The following KCNH2 variants were observed in gnomAD, a reference collection of about 807,000 sequenced individuals.
The protein encoded by KCNH2 is potassium voltage-gated channel subfamily H member 2, also known as voltage-gated inwardly rectifying potassium channel KCNH2.
Under a neutral mutation model 95.9 loss-of-function variants are expected in KCNH2, and 35 were observed. The observed-to-expected ratio is 0.37, with a 90% CI of 0.28 to 0.48. The LOEUF (loss-of-function observed/expected upper bound fraction) is 0.48. Among genes scored for constraint, KCNH2 ranks in the 20% least tolerant of loss-of-function variants. The pLI is 0.99. For synonymous variants in KCNH2, 786 were observed against 754.7 expected, an observed-to-expected ratio of 1.04 and a Z score of -0.68; for missense variants, 1,274 against 1,702.9, an observed-to-expected ratio of 0.75 and a Z score of 4.43.
intron 2 of KCNH2, among the ~76,000 whole-genome samples, chr7:150,973,889 G>A (rs552918620): frequency 4.6e-5 from 7 of 152,236 alleles, no homozygotes; most frequent in Non-Finnish European, 1.0e-4. Context: ...CTAGGAAGCA[G>A]CAAGGTTTGC....
In KCNH2 at chr7:150,947,538, G is replaced by A. The variant is rs751080700; in HGVS notation, c.2966-24C>T. ...GCCTGCAGCCAGAGAGCAGAGCTGGGTGAGCGGGGTAGACGCACCACCGCT... is the reference window on the plus strand; with the variant it reads ...GCCTGCAGCCAGAGAGCAGAGCTGGATGAGCGGGGTAGACGCACCACCGCT... On this transcript the variant is annotated intron_variant, in intron 12 of 14. Coordinates refer to ENST00000262186, the MANE Select transcript of KCNH2 (RefSeq NM_000238.4). The A allele has an allele frequency of 6.2e-6, 10 of 1,600,226 alleles. No homozygotes were observed. The South Asian group carries it at 1.0e-4, about 16-fold the overall frequency.
In KCNH2 at chr7:150,947,391, G is replaced by C. The variant is rs904066540; in HGVS notation, c.3089C>G (p.Pro1030Arg). 1.9e-6 allele frequency: 3 copies of C among 1,550,296 alleles called. No individual in the cohort carries two copies. In the South Asian group the frequency reaches 3.6e-5, roughly 18 times the overall value. ...CACGTCGCCCCGGGGCCGCCGACCC[G>C]GGCTGGAGAGGGGGATGTTGAGGAG... ...PSLLNIPLSSPGRRPRGDVES... is the reference protein window; with the variant it reads ...PSLLNIPLSSRGRRPRGDVES... Residue 1030 changes from proline to arginine, a missense_variant, in exon 13 of 15, where the codon CCG (proline) becomes CGG (arginine). Pro to Arg is a moderately radical substitution (Grantham distance 103). This residue lies in a region of KCNH2 where 457 missense variants were observed against 416.1 expected (regional missense o/e 1.10). Transcript: ENST00000262186.
rs148806848 is a variant in KCNH2, at chr7:150,964,239, A to G, written c.308-4503T>C. Among the ~76,000 whole-genome samples the G allele has an allele frequency of 5.0e-3, 764 of 152,342 alleles. 4 individuals carry two copies. Among genetic ancestry groups the G allele is most frequent in the African/African-American group, 0.018 (736 of 41,582 alleles). ...TGCGCTCCTCCGTAAATGAGGTGCT[A>G]TCACAGCTTCTTCCCAGGCAGCTCC... On this transcript the variant is annotated intron_variant, in intron 2 of 14. Coordinates refer to ENST00000262186, the MANE Select transcript of KCNH2 (RefSeq NM_000238.4).
intron 9 of KCNH2, chr7:150,949,963 C>T: frequency 6.5e-7 from 1 of 1,544,262 alleles, no homozygotes; most frequent in Non-Finnish European, 8.8e-7. Flanking sequence ...AATGTGGGAA[C>T]CCCAGAGTTC....
chr7:150,965,256 T>C (rs1037166948), intron 2 of KCNH2, among the ~76,000 whole-genome samples: 2 of 152,002 alleles, frequency 1.3e-5, no homozygotes, highest in Non-Finnish European at 2.9e-5. Context: ...GGATCATTTA[T>C]AGGGTCTTGG....
chr7:150,949,360 A>C, intron 9 of KCNH2: 1 of 1,254,802 alleles, frequency 8.0e-7, no homozygotes, highest in Non-Finnish European at 1.0e-6. Flanking sequence ...CTTATAAGCA[A>C]TGTTCTTCAA....
intron 1 of KCNH2, among the ~76,000 whole-genome samples, chr7:150,977,628 C>T (rs1160397411): frequency 6.6e-6 from 1 of 152,020 alleles, no homozygotes; most frequent in Non-Finnish European, 1.5e-5. Context: ...CGCCCCAAGC[C>T]CCAACCCCAA....
rs1413533470 is a variant in KCNH2, at chr7:150,945,396, A to G, written c.3449T>C (p.Leu1150Pro). 2 of 1,586,774 alleles carry G rather than the reference A, an allele frequency of 1.3e-6. No individual in the cohort carries two copies. The highest frequency in any genetic ancestry group is 2.7e-5 in the African/African-American group (2 of 74,434). Residue 1150 changes from leucine (L) to proline (P), a missense_variant, in exon 15 of 15, where the codon CTG becomes CCG. By Grantham distance (98) the Leu-to-Pro change is moderately conservative. Coordinates refer to ENST00000262186, the MANE Select transcript of KCNH2 (RefSeq NM_000238.4). This position sits in a 1 kb window ranked among gnomAD's most constrained non-coding sequence, Gnocchi z 5.6. ...GCCCGGGTCCGAGCCGTGTCTGTGC[A>G]GGGGCTGGGAGGTGAGGGCCCCCAG... ...GQLGALTSQP[L>P]HRHGSDPGS
Position 150,946,828 on chromosome 7 carries a change from G to C in KCNH2, c.3330+49C>G. Reference sequence around the variant, plus strand: ...AGCAAAGCAGGTTTGGGCTGGAATCGGGGAACAAGCGGGTCACGGTACATC... The same window carrying C: ...AGCAAAGCAGGTTTGGGCTGGAATCCGGGAACAAGCGGGTCACGGTACATC... On this transcript the variant is annotated intron_variant, in intron 14 of 14. Coordinates refer to ENST00000262186, the MANE Select transcript of KCNH2 (RefSeq NM_000238.4). The surrounding 1 kb of genome is among the most constrained non-coding windows in gnomAD (Gnocchi z 6.5). 2 of 1,540,468 alleles carry C rather than the reference G, an allele frequency of 1.3e-6. No homozygotes were observed. The highest frequency in any genetic ancestry group is 1.8e-6 in the Non-Finnish European group (2 of 1,127,384).
In KCNH2 at chr7:150,947,854, G is replaced by T; in HGVS notation, c.2717C>A (p.Ser906Ter). 1 of 1,528,062 alleles carries T rather than the reference G, an allele frequency of 6.5e-7. No homozygotes were observed. The allele number at this position is 1,528,062 out of a possible 1,614,324, so 94.7% of individuals were successfully genotyped here. A position where few individuals can be genotyped will look rare whatever the true frequency, so the allele number is the denominator to read the frequency against. Residue 906 changes from serine to a stop codon, truncating the protein, a stop_gained, in exon 12 of 15, where the codon TCG (serine) becomes TAG (stop). Transcript: ENST00000262186. LOFTEE classifies it high-confidence loss of function. ...DKDTEQPGEV[S>*]ALGPGRAGAG... The stretch of plus-strand genomic sequence containing the variant: ...CCCCGCCCGGCCCGGCCCCAAGGCC[G>T]ACACCTCCCCTGGCTGCTCCGTGTC...
Position 150,945,099 on chromosome 7 carries a change from G to A in KCNH2, c.*266C>T. On this transcript the variant is annotated 3_prime_UTR_variant, in exon 15 of 15. Transcript: ENST00000262186. The surrounding 1 kb of genome is among the most constrained non-coding windows in gnomAD (Gnocchi z 5.6). ...TGAGGTGCCTAAGGCCCAGGGCCGG[G>A]TGCCTCCGGGCAGTTAGACCAGCTA... The A allele has an allele frequency of 2.0e-6, 1 of 492,562 alleles. No individual in the cohort carries two copies. Among genetic ancestry groups the A allele is most frequent in the Non-Finnish European group, 3.6e-6 (1 of 277,314 alleles). 30.5% of individuals were successfully genotyped at this position (492,562 alleles called of 1,614,324 possible). A position where few individuals can be genotyped will look rare whatever the true frequency, so the allele number is the denominator to read the frequency against.
At chr7:150,955,491 C>T (rs1263739084) in intron 5 of KCNH2, 1 of 1,548,686 alleles carries the variant, frequency 6.5e-7, no homozygotes, top group African/African-American at 1.4e-5. Flanking sequence ...GCCTTCCCGG[C>T]TGGGGCCGCC....
chr7:150,978,273 GC>G lies in KCNH2; in HGVS notation c.-361del, dbSNP rs1223812458. 6.9e-6 allele frequency: 1 copy of G among 145,818 alleles called. No homozygotes were observed. The highest frequency in any genetic ancestry group is 1.5e-5 in the Non-Finnish European group (1 of 65,652). 9.0% of individuals were successfully genotyped at this position (145,818 alleles called of 1,614,324 possible). On this transcript the variant is annotated 5_prime_UTR_variant, in exon 1 of 15. Coordinates refer to ENST00000262186, the MANE Select transcript of KCNH2 (RefSeq NM_000238.4). ...CCACCGCGCCGACAGCCGCTCCAGC[GC>G]CCGCGGCTCGGGCAGCGCCTGCGGC...
intron 9 of KCNH2, chr7:150,949,666 C>T: frequency 1.8e-6 from 2 of 1,129,032 alleles, no homozygotes; most frequent in Non-Finnish European, 2.2e-6. Context: ...GAGGGAAGGA[C>T]AGGCAAAGGG....
Position 150,946,949 on chromosome 7 carries a change from A to C in KCNH2, c.3258T>G (p.Pro1086=). 5.6e-6 allele frequency: 9 copies of C among 1,603,718 alleles called. No individual in the cohort carries two copies. The highest frequency in any genetic ancestry group is 7.7e-6 in the Non-Finnish European group (9 of 1,173,254). Residue 1086 remains proline (P), a synonymous_variant, in exon 14 of 15, where the codon CCT becomes CCG. Coordinates refer to ENST00000262186, the MANE Select transcript of KCNH2 (RefSeq NM_000238.4). The surrounding 1 kb of genome is among the most constrained non-coding windows in gnomAD (Gnocchi z 6.5). ...ACAGCGGGGATGTGGAAGTGGGGCC[A>C]GGCCCCGGGGTGGTCACAGCACTGT... ...PAYSAVTTPG[P]GPTSTSPLLP...
chr7:150,973,886 G>T (rs1243900708), intron 2 of KCNH2, among the ~76,000 whole-genome samples: 1 of 152,246 alleles, frequency 6.6e-6, no homozygotes, highest in African/African-American at 2.4e-5. Context: ...ACGCTAGGAA[G>T]CAGCAAGGTT....
chr7:150,949,327 C>A (rs1801044630), intron 9 of KCNH2: 2 of 1,364,244 alleles, frequency 1.5e-6, no homozygotes, highest in Admixed American at 6.2e-5. Context: ...GTCCCAAACA[C>A]CCTCTTAGCC....
Position 150,946,960 on chromosome 7 carries a change from T to C in KCNH2, c.3247A>G (p.Thr1083Ala), listed in dbSNP as rs751559990. The C allele has an allele frequency of 8.7e-6, 14 of 1,602,996 alleles. No homozygotes were observed. The African/African-American group carries it at 9.5e-5, about 11-fold the overall frequency. The change falls in exon 14 of 15, where the codon ACC (threonine) becomes GCC (alanine). Residue 1083 changes from threonine to alanine, a missense_variant. Coordinates refer to ENST00000262186, the MANE Select transcript of KCNH2 (RefSeq NM_000238.4). This position sits in a 1 kb window ranked among gnomAD's most constrained non-coding sequence, Gnocchi z 6.5. ...LVPPAYSAVT[T>A]PGPGPTSTSP... ...GTGGAAGTGGGGCCAGGCCCCGGGG[T>C]GGTCACAGCACTGTAGGCGGGCGGG...
chr7:150,952,872 G>A lies in KCNH2; in HGVS notation c.1129-19C>T. 7 of 1,610,718 alleles carry A rather than the reference G, an allele frequency of 4.3e-6. No homozygotes were observed. Among genetic ancestry groups the A allele is most frequent in the Non-Finnish European group, 5.9e-6 (7 of 1,179,806 alleles). On this transcript the variant is annotated intron_variant, in intron 5 of 14. Transcript: ENST00000262186. The surrounding 1 kb of genome is among the most constrained non-coding windows in gnomAD (Gnocchi z 7.3). ...ACAGGACCTGCACCCGGGGAAGGCG[G>A]AGGTGTGGGTGAGGCAGGCCATGGG...
Sources: gnomAD v4.1 joint callset for allele counts (sites outside exome capture counted in the v4.1 genomes callset) on GRCh38, gnomAD v4.1.1 for gene constraint, gnomAD v4.1.1 regional missense constraint, Gnocchi (gnomAD v3.1) non-coding constraint, MANE v1.5 for transcripts, NCBI Gene and HGNC (gene_info 2026-07-23, HGNC 2026-07-21) for gene names.